The following DLG2 variants were observed in gnomAD, a reference collection of about 807,000 sequenced individuals.
The protein encoded by DLG2 is disks large homolog 2.
In DLG2, 45 loss-of-function variants were observed where a neutral mutation model predicts 132.5. The observed-to-expected ratio is 0.34, with a 90% CI of 0.27 to 0.44. The LOEUF (loss-of-function observed/expected upper bound fraction) is 0.44, where lower values mean the gene tolerates loss of function less well. Ranked by LOEUF, DLG2 falls within the 20% of genes least tolerant of loss-of-function variation. The probability of loss-of-function intolerance (pLI) is 1.00; values close to 1 mark genes in which losing one functional copy is unlikely to be tolerated. For synonymous variants in DLG2, 424 were observed against 419.6 expected (o/e 1.01, Z -0.13); for missense variants, 1,045 against 1,196.9 (o/e 0.87, Z 1.87).
rs549728661 is a variant in DLG2 at position 83,928,973 on chromosome 11, C to T, written c.1496+1355G>A. Among the ~76,000 whole-genome samples, 39 of 152,046 alleles carry T rather than the reference C, an allele frequency of 2.6e-4. No homozygotes were observed. The East Asian group carries it at 5.8e-3, about 23-fold the overall frequency. ...CTTTCAGCTTTAAAATGGCATAGTT[C>T]ACTGTATCAACAAATAGTTTTAATG... On this transcript the variant is annotated intron_variant, in intron 15 of 27. Coordinates refer to ENST00000376104, the MANE Select transcript of DLG2 (RefSeq NM_001142699.3).
chr11:84,872,973 A>C (rs545626481), intron 6 of DLG2, among the ~76,000 whole-genome samples: 1 of 152,364 alleles, frequency 6.6e-6, no homozygotes, highest in East Asian at 1.9e-4. Flanking sequence ...CTACCTGATT[A>C]GCATTTTTAG....
At chr11:85,573,313 G>T (rs1448626612) in intron 3 of DLG2, among the ~76,000 whole-genome samples, 1 of 152,044 alleles carries the variant, frequency 6.6e-6, no homozygotes, top group African/African-American at 2.4e-5. Flanking sequence ...AACGTTTATG[G>T]CACCTATTTT....
chr11:84,178,585 C>A (rs1246281898), intron 8 of DLG2, among the ~76,000 whole-genome samples: 3 of 152,128 alleles, frequency 2.0e-5, no homozygotes, highest in Admixed American at 6.6e-5. Flanking sequence ...TAAACACATT[C>A]CCTGGCCCAC....
intron 7 of DLG2, among the ~76,000 whole-genome samples, chr11:84,506,026 G>A (rs1024891073): frequency 1.3e-5 from 2 of 151,276 alleles, no homozygotes; most frequent in Non-Finnish European, 2.9e-5. Context: ...TTGAGATGGC[G>A]AGTTTACGCT....
intron 7 of DLG2, among the ~76,000 whole-genome samples, chr11:84,374,277 C>T (rs1049969078): frequency 1.3e-5 from 2 of 152,136 alleles, no homozygotes; most frequent in Non-Finnish European, 2.9e-5. Context: ...GTAATCCACC[C>T]AATTTGAACA....
At chr11:84,450,710 G>A (rs2099049165) in intron 7 of DLG2, among the ~76,000 whole-genome samples, 1 of 151,678 alleles carries the variant, frequency 6.6e-6, no homozygotes, top group Admixed American at 6.6e-5. Context: ...CATTCTCTTA[G>A]TAAAATACAC....
Position 85,053,632 on chromosome 11 carries a change from C to CAAA in DLG2, c.357+58026_357+58028dup, listed in dbSNP as rs574119257. On this transcript the variant is annotated intron_variant, in intron 6 of 27. Transcript: ENST00000376104. ...TGAAACCCCATCTCTACTAAAAATA[C>CAAA]AAAAAAAAAAAAAAAAAAAATTAGC... is the stretch of plus-strand genomic sequence containing the variant. 2.6e-3 allele frequency among the ~76,000 whole-genome samples: 237 copies of CAAA among 91,146 alleles called. 2 individuals carry two copies. Among genetic ancestry groups the CAAA allele is most frequent in the African/African-American group, 9.6e-3 (205 of 21,258 alleles). 59.8% of individuals were successfully genotyped at this position (91,146 alleles called of 152,430 possible).
intron 6 of DLG2, among the ~76,000 whole-genome samples, chr11:85,061,245 A>G (rs928282353): frequency 1.1e-4 from 16 of 151,598 alleles, no homozygotes; most frequent in African/African-American, 3.6e-4. Context: ...CCACTTGTCA[A>G]TTTTTGTTTT....
chr11:84,798,222 T>C (rs2153952692), intron 6 of DLG2, among the ~76,000 whole-genome samples: 1 of 152,306 alleles, frequency 6.6e-6, no homozygotes, highest in Non-Finnish European at 1.5e-5. Flanking sequence ...AATCAGCAGA[T>C]GGCAAAGCCA....
chr11:85,403,451 G>T (rs1309652718), intron 3 of DLG2, among the ~76,000 whole-genome samples: 1 of 151,814 alleles, frequency 6.6e-6, no homozygotes, highest in Admixed American at 6.6e-5. Context: ...TAACAAACCT[G>T]CACATTGTGC....
intron 16 of DLG2, among the ~76,000 whole-genome samples, chr11:83,850,901 G>T (rs1021568338): frequency 1.3e-5 from 2 of 152,100 alleles, no homozygotes; most frequent in African/African-American, 4.8e-5. Flanking sequence ...TTGAGGCCGG[G>T]CGCGGTGGCT....
At chr11:85,273,724 A>T (rs1249877467) in intron 4 of DLG2, among the ~76,000 whole-genome samples, 1 of 152,236 alleles carries the variant, frequency 6.6e-6, no homozygotes, top group African/African-American at 2.4e-5. Context: ...AGAACTAGAA[A>T]TACCATTTGA....
intron 6 of DLG2, among the ~76,000 whole-genome samples, chr11:84,933,711 T>C (rs1390503091): frequency 6.6e-6 from 1 of 152,206 alleles, no homozygotes; most frequent in Non-Finnish European, 1.5e-5. Flanking sequence ...ACATTCATGT[T>C]ATATCCTGAG....
At chr11:85,109,144 T>G (rs776464037) in intron 6 of DLG2, among the ~76,000 whole-genome samples, 1 of 152,050 alleles carries the variant, frequency 6.6e-6, no homozygotes, top group Admixed American at 6.6e-5. Context: ...GCTCACATAA[T>G]CTAAACATGA....
chr11:83,655,832 A>G (rs372237943), intron 18 of DLG2, among the ~76,000 whole-genome samples: 2 of 152,150 alleles, frequency 1.3e-5, no homozygotes, highest in Non-Finnish European at 2.9e-5. Context: ...ACTGCCCCCA[A>G]TGTGTATTTC....
chr11:83,594,452 T>G (rs1179968591), intron 19 of DLG2, among the ~76,000 whole-genome samples: 1 of 152,248 alleles, frequency 6.6e-6, no homozygotes, highest in African/African-American at 2.4e-5. Context: ...TACAGCACTG[T>G]ATAATTTACA....
chr11:85,456,167 T>A (rs965109761), intron 3 of DLG2, among the ~76,000 whole-genome samples: 3 of 152,128 alleles, frequency 2.0e-5, no homozygotes, highest in African/African-American at 7.2e-5. Context: ...ACTATTAGTC[T>A]GTTCAGGGAT....
At chr11:83,557,637 T>C (rs1220869503) in intron 19 of DLG2, among the ~76,000 whole-genome samples, 2 of 152,220 alleles carry the variant, frequency 1.3e-5, no homozygotes, top group African/African-American at 2.4e-5. Context: ...ATGTTGCTTG[T>C]AGGTGTTTCA....
At chr11:83,619,450 G>T (rs1313071206) in intron 19 of DLG2, among the ~76,000 whole-genome samples, 1 of 152,210 alleles carries the variant, frequency 6.6e-6, no homozygotes, top group Non-Finnish European at 1.5e-5. Flanking sequence ...GGACAGAATT[G>T]AGTTTTTATC....
Sources: gnomAD v4.1 joint callset for allele counts (sites outside exome capture counted in the v4.1 genomes callset) on GRCh38, gnomAD v4.1.1 for gene constraint, MANE v1.5 for transcripts, NCBI Gene and HGNC (gene_info 2026-07-23, HGNC 2026-07-21) for gene names.